Variants in RYR2 observed in about 807,000 individuals in gnomAD.
RYR2 encodes the protein ryanodine receptor 2.
A neutral mutation model predicts 601.1 loss-of-function variants in RYR2; 227 were observed. The ratio of observed to expected loss-of-function variants is 0.38; its 90% CI spans 0.34 to 0.42. The LOEUF (loss-of-function observed/expected upper bound fraction) is 0.42. Among genes scored for constraint, RYR2 ranks in the 10% least tolerant of loss-of-function variants. The pLI is 1.00. For missense variants in RYR2, 4,646 were observed against 6,156.5 expected (o/e 0.75, Z 8.21); for synonymous variants, 2,223 against 2,175.1 (o/e 1.02, Z -0.61).
chr1:237,649,766 C>A, intron 49 of RYR2, 111 bp from the exon 50 acceptor site: 2 of 846,150 alleles, frequency 2.4e-6, no homozygotes, highest in Non-Finnish European at 3.7e-6. Flanking sequence ...TTCCATGTGT[C>A]ATAGTGCTAT....
At chr1:237,070,473 A>T (rs991487979) in intron 1 of RYR2, among the ~76,000 whole-genome samples, 9 of 152,018 alleles carry the variant, frequency 5.9e-5, no homozygotes, top group African/African-American at 2.2e-4. Context: ...TTCTGCCTCA[A>T]CCTCCCAAAG....
Position 237,783,693 on chromosome 1 carries a change from C to T in RYR2, c.11981C>T (p.Thr3994Met), listed in dbSNP as rs1488908381. The T allele has an allele frequency of 5.6e-6, 9 of 1,603,610 alleles. No individual in the cohort carries two copies. The highest frequency in any genetic ancestry group is 1.7e-4 in the Middle Eastern group (1 of 6,054). ...CCACCAGGTAATGTTGTTAATGGAA[C>T]GATTGGCAAACAGATGGTGGATATG... is the stretch of plus-strand genomic sequence containing the variant. ...SMLEGNVVNG[T>M]IGKQMVDMLV... Residue 3994 changes from threonine to methionine, a missense_variant, in exon 90 of 105, where the codon ACG becomes ATG. Transcript: ENST00000366574.
At chr1:237,540,403 T>A (rs1669125101) in intron 25 of RYR2, among the ~76,000 whole-genome samples, 2 of 152,192 alleles carry the variant, frequency 1.3e-5, no homozygotes, top group Admixed American at 6.5e-5. Context: ...CAAAGGCTGC[T>A]TGAGTGTTTA....
chr1:237,646,028 C>T (rs1195072543), intron 48 of RYR2, among the ~76,000 whole-genome samples: 2 of 152,004 alleles, frequency 1.3e-5, no homozygotes, highest in African/African-American at 2.4e-5. Context: ...AGGCGCCCGC[C>T]ACTATGCCCG....
intron 1 of RYR2, among the ~76,000 whole-genome samples, chr1:237,245,287 T>C (rs547300652): frequency 6.6e-6 from 1 of 152,194 alleles, no homozygotes; most frequent in African/African-American, 2.4e-5. Flanking sequence ...TGGAAGCCCT[T>C]GTAGTTCTGT....
chr1:237,132,474 T>C (rs1394099611), intron 1 of RYR2, among the ~76,000 whole-genome samples: 6 of 152,222 alleles, frequency 3.9e-5, no homozygotes, highest in Non-Finnish European at 8.8e-5. Flanking sequence ...AAACATTTCA[T>C]TGTGGGCTAA....
At chr1:237,609,979 A>G (rs1677652603) in intron 35 of RYR2, among the ~76,000 whole-genome samples, 1 of 152,134 alleles carries the variant, frequency 6.6e-6, no homozygotes, top group Non-Finnish European at 1.5e-5. Flanking sequence ...AAGCAGTTTG[A>G]GGATGAAGTA....
At position 237,441,464 on chromosome 1, in the gene RYR2, T is replaced by C. The variant is rs1337963211; in HGVS notation, c.1151T>C (p.Met384Thr). Residue 384 changes from methionine to threonine, a missense_variant, in exon 13 of 105, where the codon ATG becomes ACG. By Grantham distance (81) the Met-to-Thr change is moderately conservative (BLOSUM62 -1). Transcript: ENST00000366574. ...TCTGTGGACGTGAAATCCGTGAGAA[T>C]GGGATCTATACAACGTAAGGTAAGG... ...YQSVDVKSVR[M>T]GSIQRKAIMH... 2 of 1,594,896 alleles carry C rather than the reference T, an allele frequency of 1.3e-6. No individual in the cohort carries two copies. The highest frequency in any genetic ancestry group is 1.7e-6 in the Non-Finnish European group (2 of 1,169,040).
chr1:237,307,634 T>A (rs1694007518), intron 2 of RYR2, among the ~76,000 whole-genome samples: 1 of 152,206 alleles, frequency 6.6e-6, no homozygotes, highest in Non-Finnish European at 1.5e-5. Flanking sequence ...TTGTTAGCAT[T>A]CTGTGAAACT....
intron 21 of RYR2, 71 bp downstream of exon 21, chr1:237,500,974 G>A (rs1231134715): frequency 2.2e-6 from 3 of 1,362,406 alleles, no homozygotes; most frequent in African/African-American, 2.9e-5. Flanking sequence ...ACTCTGCACT[G>A]CCATTGCCCT....
intron 80 of RYR2, among the ~76,000 whole-genome samples, chr1:237,749,981 G>A (rs10925507): frequency 0.13 from 19,302 of 151,698 alleles, 2,175 homozygotes; most frequent in African/African-American, 0.3. Context: ...TCCCATCTCT[G>A]CTAAAAATAC....
chr1:237,456,838 AG>A, intron 16 of RYR2, 103 bp downstream of exon 16: 1 of 1,325,332 alleles, frequency 7.5e-7, no homozygotes, highest in East Asian at 2.5e-5. Flanking sequence ...GCAATTTGGG[AG>A]GCTGAGGTGG....
intron 27 of RYR2, among the ~76,000 whole-genome samples, chr1:237,560,180 G>A (rs960998030): frequency 1.3e-5 from 2 of 152,230 alleles, no homozygotes; most frequent in Admixed American, 6.5e-5. Flanking sequence ...TAGAGTCCCA[G>A]GAATATGTTG....
Position 237,658,081 on chromosome 1 carries a change from A to G in RYR2, c.8208+59A>G, listed in dbSNP as rs1057304989. The G allele has an allele frequency of 2.1e-5, 20 of 969,940 alleles. No homozygotes were observed. In the South Asian group the frequency reaches 3.7e-4, roughly 18 times the overall value. The allele number at this position is 969,940 out of a possible 1,614,324, so 60.1% of individuals were successfully genotyped here. ...ATTATTAATGACTGGTCACTGTTCAAATATTTCTGACCATGACAGTTTTCT... is the reference window on the plus strand; with the variant it reads ...ATTATTAATGACTGGTCACTGTTCAGATATTTCTGACCATGACAGTTTTCT... On this transcript the variant is annotated intron_variant, in intron 54 of 104. Transcript: ENST00000366574.
chr1:237,051,919 C>T (rs1427053033), intron 1 of RYR2, among the ~76,000 whole-genome samples: 1 of 152,146 alleles, frequency 6.6e-6, no homozygotes. Context: ...CCTGCTTCTA[C>T]CTGCAGGAAG....
chr1:237,376,603 G>A (rs887982957), intron 7 of RYR2, among the ~76,000 whole-genome samples: 1 of 152,160 alleles, frequency 6.6e-6, no homozygotes, highest in Non-Finnish European at 1.5e-5. Flanking sequence ...ATGAAGAATG[G>A]CATGCTGAAG....
At chr1:237,527,100 T>A (rs760185892) in intron 24 of RYR2, among the ~76,000 whole-genome samples, 47 of 152,228 alleles carry the variant, frequency 3.1e-4, no homozygotes, top group Non-Finnish European at 5.1e-4. Flanking sequence ...TTGTCAAAGA[T>A]CAGTTGGTTG....
chr1:237,327,834 A>T (rs1450056302), intron 2 of RYR2, among the ~76,000 whole-genome samples: 2 of 151,994 alleles, frequency 1.3e-5, no homozygotes, highest in Non-Finnish European at 2.9e-5. Context: ...TTATTATCCA[A>T]TTTTTTTTAG....
chr1:237,819,966 C>T lies in RYR2; in HGVS notation c.14590+774C>T, dbSNP rs2102836649. On this transcript the variant is annotated intron_variant, in intron 101 of 104. Coordinates refer to ENST00000366574, the MANE Select transcript of RYR2 (RefSeq NM_001035.3). This position sits in a 1 kb window ranked among gnomAD's most constrained non-coding sequence, Gnocchi z 4.0. ...CTTTGAGAGACTGAGGTGGGTGGAT[C>T]ACTTGAGGTCTGGAGTTCAAGACCA... is the stretch of plus-strand genomic sequence containing the variant. 6.6e-6 allele frequency among the ~76,000 whole-genome samples: 1 copy of T among 152,186 alleles called. No individual in the cohort carries two copies. Among genetic ancestry groups the T allele is most frequent in the Non-Finnish European group, 1.5e-5 (1 of 68,000 alleles).
Sources: allele counts gnomAD v4.1 joint callset (sites outside exome capture counted in the v4.1 genomes callset), GRCh38; gene constraint gnomAD v4.1.1; non-coding constraint Gnocchi (gnomAD v3.1); transcripts MANE v1.5; gene names NCBI Gene and HGNC (gene_info 2026-07-23, HGNC 2026-07-21).